MEGF11: variants seen among roughly 807,000 people sequenced by gnomAD.
MEGF11 encodes the protein multiple EGF like domains 11.
In MEGF11, 126 loss-of-function variants were observed where a neutral mutation model predicts 146.6. The ratio of observed to expected loss-of-function variants is 0.86; its 90% CI spans 0.74 to 1.00. MEGF11 has a LOEUF of 1.00. Ranked by LOEUF, MEGF11 falls within the 50% of genes least tolerant of loss-of-function variation. MEGF11 has a pLI of 0.00. For missense variants in MEGF11, 1,509 were observed against 1,521.2 expected (o/e 0.99, Z 0.13); for synonymous variants, 532 against 583.4 (o/e 0.91, Z 1.27).
chr15:66,097,919 G>A (rs1018361293), intron 4 of MEGF11, among the ~76,000 whole-genome samples: 9 of 152,136 alleles, frequency 5.9e-5, no homozygotes, highest in Admixed American at 5.2e-4. Flanking sequence ...TGAGAACTTA[G>A]CTCATCTCCC....
At chr15:65,902,715 C>G (rs757128874) in intron 24 of MEGF11, among the ~76,000 whole-genome samples, 1 of 152,222 alleles carries the variant, frequency 6.6e-6, no homozygotes, top group Non-Finnish European at 1.5e-5. Flanking sequence ...CAAGGCTTGT[C>G]ATTTGCATCA....
chr15:66,049,289 G>T (rs991710520), intron 5 of MEGF11, among the ~76,000 whole-genome samples: 9 of 152,142 alleles, frequency 5.9e-5, no homozygotes, highest in Non-Finnish European at 1.0e-4. Flanking sequence ...TCCAACTCTG[G>T]GTTTTAAATT....
At chr15:66,244,480 G>A (rs73477594) in intron 1 of MEGF11, among the ~76,000 whole-genome samples, 2,293 of 152,284 alleles carry the variant, frequency 0.015, 53 homozygotes, top group African/African-American at 0.053. Context: ...GAGACTGGGA[G>A]AACAGGCACC....
At chr15:66,056,038 A>C (rs2084660345) in intron 5 of MEGF11, among the ~76,000 whole-genome samples, 1 of 152,268 alleles carries the variant, frequency 6.6e-6, no homozygotes, top group East Asian at 1.9e-4. Context: ...CAGCAGCAGC[A>C]CCATATGTGA....
At chr15:66,073,688 A>G (rs2085462945) in intron 5 of MEGF11, among the ~76,000 whole-genome samples, 1 of 152,028 alleles carries the variant, frequency 6.6e-6, no homozygotes, top group Non-Finnish European at 1.5e-5. Context: ...ATGAATGTTT[A>G]CCTGCTTTTT....
intron 1 of MEGF11, among the ~76,000 whole-genome samples, chr15:66,182,056 C>CT (rs1329929333): frequency 6.6e-6 from 1 of 152,198 alleles, no homozygotes; most frequent in African/African-American, 2.4e-5. Flanking sequence ...GGGCGGCCCC[C>CT]TCCCTCACAG....
intron 1 of MEGF11, among the ~76,000 whole-genome samples, chr15:66,219,074 A>G (rs2140155417): frequency 6.6e-6 from 1 of 151,042 alleles, no homozygotes; most frequent in South Asian, 2.1e-4. Context: ...TAATGTTTAT[A>G]TATTTAAATT....
chr15:66,194,336 T>A (rs1344241190), intron 1 of MEGF11, among the ~76,000 whole-genome samples: 1 of 152,148 alleles, frequency 6.6e-6, no homozygotes, highest in Non-Finnish European at 1.5e-5. Flanking sequence ...GAGCCGGGCA[T>A]GGTGGCTCCT....
chr15:66,100,792 T>C (rs1221766313), intron 4 of MEGF11, among the ~76,000 whole-genome samples: 1 of 137,060 alleles, frequency 7.3e-6, no homozygotes, highest in African/African-American at 2.7e-5. Context: ...TCTTTCGTGG[T>C]ACCAACAACC....
chr15:66,093,660 TG>T (rs1374622424), intron 5 of MEGF11, among the ~76,000 whole-genome samples: 1 of 152,154 alleles, frequency 6.6e-6, no homozygotes, highest in Non-Finnish European at 1.5e-5. Flanking sequence ...TGCAAATATT[TG>T]GGGGCAATAA....
In MEGF11 at chr15:65,918,019, A is replaced by G; in HGVS notation, c.2033T>C (p.Ile678Thr). The G allele has an allele frequency of 1.9e-6, 3 of 1,614,026 alleles. No homozygotes were observed. Among genetic ancestry groups the G allele is most frequent in the African/African-American group, 1.3e-5 (1 of 75,050 alleles). The change falls in exon 16 of 26, where the codon ATC (isoleucine) becomes ACC (threonine). Residue 678 changes from isoleucine to threonine, a missense_variant. Transcript: ENST00000395614. Reference protein sequence around the residue: ...SCANNGTCSPIDGSCQCFPGW... With the variant: ...SCANNGTCSPTDGSCQCFPGW... ...AGGAAAGCACTGGCAGGAGCCATCG[A>G]TAGGGCTGCAGGTCCCGTTGTTGGC...
chr15:66,058,384 T>C (rs2084766760), intron 5 of MEGF11, among the ~76,000 whole-genome samples: 1 of 152,208 alleles, frequency 6.6e-6, no homozygotes, highest in Admixed American at 6.5e-5. Context: ...AGAAGCTGTT[T>C]TCTTTCCACC....
At chr15:66,108,083 G>A (rs2087185639) in intron 4 of MEGF11, among the ~76,000 whole-genome samples, 1 of 152,214 alleles carries the variant, frequency 6.6e-6, no homozygotes, top group African/African-American at 2.4e-5. Context: ...GGCGAGGGCA[G>A]CCTGCACGAA....
Position 65,915,520 on chromosome 15 carries a change from G to A in MEGF11, c.2423C>T (p.Thr808Ile), listed in dbSNP as rs1438083061. ...GCCAGGGCTGCAGTAACAGGTGCCG[G>A]TGACATGGTCACAGGTGGAGTTGTT... The part of the protein sequence containing the change: ...CMNNSTCDHV[T>I]GTCYCSPGFK... Residue 808 changes from threonine to isoleucine, a missense_variant, in exon 19 of 26, where the codon ACC becomes ATC. By Grantham distance (89) the Thr-to-Ile change is moderately conservative. Coordinates refer to ENST00000395614, the MANE Select transcript of MEGF11 (RefSeq NM_001385028.1). 6.2e-7 allele frequency: 1 copy of A among 1,613,932 alleles called. No homozygotes were observed. Among genetic ancestry groups the A allele is most frequent in the Non-Finnish European group, 8.5e-7 (1 of 1,179,860 alleles).
chr15:66,151,594 T>C (rs1027067683), intron 1 of MEGF11, among the ~76,000 whole-genome samples: 1 of 152,176 alleles, frequency 6.6e-6, no homozygotes, highest in African/African-American at 2.4e-5. Context: ...GAAATCCCAG[T>C]CTCCTGATCT....
At chr15:66,090,192 C>A (rs2086266399) in intron 5 of MEGF11, among the ~76,000 whole-genome samples, 4 of 152,040 alleles carry the variant, frequency 2.6e-5, no homozygotes, top group Admixed American at 2.6e-4. Flanking sequence ...TCACTGCTGT[C>A]AAAGTCATAA....
intron 4 of MEGF11, among the ~76,000 whole-genome samples, chr15:66,108,832 C>T (rs915253615): frequency 3.3e-5 from 5 of 152,184 alleles, no homozygotes; most frequent in East Asian, 1.9e-4. Context: ...GGCAAGTTCC[C>T]GTAGAGAAAC....
chr15:66,198,734 C>T (rs566753549), intron 1 of MEGF11, among the ~76,000 whole-genome samples: 2 of 152,178 alleles, frequency 1.3e-5, no homozygotes, highest in African/African-American at 2.4e-5. Context: ...GATCCACTCA[C>T]CTCGCCTCCG....
chr15:66,101,377 C>T (rs2086801316), intron 4 of MEGF11, among the ~76,000 whole-genome samples: 1 of 152,170 alleles, frequency 6.6e-6, no homozygotes, highest in Non-Finnish European at 1.5e-5. Flanking sequence ...CATCTACAAC[C>T]TGCATCTCCA....
Sources: allele counts gnomAD v4.1 joint callset (sites outside exome capture counted in the v4.1 genomes callset), GRCh38; gene constraint gnomAD v4.1.1; transcripts MANE v1.5; gene names NCBI Gene and HGNC (gene_info 2026-07-23, HGNC 2026-07-21).